Variants in PDCD2L observed in about 807,000 individuals in gnomAD.
PDCD2L encodes the protein programmed cell death 2 like.
Under a neutral mutation model 40.4 loss-of-function variants are expected in PDCD2L, and 44 were observed. The ratio of observed to expected loss-of-function variants is 1.09; its 90% confidence interval spans 0.86 to 1.40. The LOEUF is 1.40. PDCD2L is among the 40% of genes most tolerant of loss of function. The pLI is 0.00. For missense variants in PDCD2L, 470 were observed against 453.7 expected, an observed-to-expected ratio of 1.04 and a Z score of -0.33; for synonymous variants, 194 against 174.6, an observed-to-expected ratio of 1.11 and a Z score of -0.88.
At chr19:34,410,246 C>T (rs1042924227) in intron 4 of PDCD2L, among the ~76,000 whole-genome samples, 11 of 152,182 alleles carry the variant, frequency 7.2e-5, no homozygotes, top group African/African-American at 2.4e-4. Flanking sequence ...CAGGTGCACA[C>T]CACCATGTCT....
At chr19:34,414,474 CTTTTTTTTTTTTT>C (rs35413401) in intron 5 of PDCD2L, among the ~76,000 whole-genome samples, 5 of 39,790 alleles carry the variant, frequency 1.3e-4, no homozygotes, top group South Asian at 2.2e-3. Context: ...CCATGCCTGG[CTTTTTTTTTTTTT>C]TTTTTTTTTT....
At chr19:34,406,113 G>T (rs922276388) in intron 3 of PDCD2L, among the ~76,000 whole-genome samples, 3 of 152,184 alleles carry the variant, frequency 2.0e-5, no homozygotes, top group Non-Finnish European at 4.4e-5. Context: ...CTGCACTCCG[G>T]CCTGGGCCAC....
At position 34,404,944 on chromosome 19, in the gene PDCD2L, G is replaced by C; in HGVS notation, c.290G>C (p.Arg97Pro). The change falls in exon 3 of 7, where the codon CGC becomes CCC. Residue 97 changes from arginine (R) to proline (P), a missense_variant. Physicochemically the swap from Arg to Pro is moderately radical, Grantham distance 103 (BLOSUM62 -2). Coordinates refer to ENST00000246535, the MANE Select transcript of PDCD2L (RefSeq NM_032346.2). ...TCACCCCGAAGCTGGAAGGTGTTCC[G>C]CTCCCAGTGCCTGCAGGTGCCAGAG... ...TGGARSWKVF[R>P]SQCLQVPERE... 1 of 1,614,132 alleles carries C rather than the reference G, an allele frequency of 6.2e-7. No individual in the cohort carries two copies. The highest frequency in any genetic ancestry group is 1.1e-5 in the South Asian group (1 of 91,080).
chr19:34,421,733 C>T, intron 6 of PDCD2L, 66 bp downstream of exon 6: 4 of 1,489,704 alleles, frequency 2.7e-6, no homozygotes, highest in East Asian at 2.3e-5. Context: ...AATGAAAAAC[C>T]TTTTGTTTAC....
At chr19:34,425,940 C>T in intron 6 of PDCD2L, 50 bp from the exon 7 acceptor site, 1 of 1,574,234 alleles carries the variant, frequency 6.4e-7, no homozygotes, top group Non-Finnish European at 8.6e-7. Context: ...TTAGTAACAT[C>T]AGTCTCATAA....
chr19:34,421,666 A>AG lies in PDCD2L; in HGVS notation c.946+1dup. On this transcript the variant is annotated frameshift_variant and splice_region_variant, in exon 6 of 7. Transcript: ENST00000246535. LOFTEE classifies it high-confidence loss of function. ...TCAGCATGCTCAAGAGTGCTAATTT[A>AG]GGTGAGAAGCCCTTTATTAATTTGA... 1 of 1,605,496 alleles carries AG rather than the reference A, an allele frequency of 6.2e-7. No homozygotes were observed. The highest frequency in any genetic ancestry group is 8.5e-7 in the Non-Finnish European group (1 of 1,175,770).
chr19:34,411,432 A>T (rs2075102975), intron 4 of PDCD2L, among the ~76,000 whole-genome samples: 1 of 150,972 alleles, frequency 6.6e-6, no homozygotes. Context: ...TTTAGTAGAG[A>T]TGGGCTTTTG....
intron 6 of PDCD2L, among the ~76,000 whole-genome samples, chr19:34,423,112 G>C (rs2075160169): frequency 6.6e-6 from 1 of 152,144 alleles, no homozygotes; most frequent in South Asian, 2.1e-4. Context: ...CTGTGTTTCA[G>C]TTTTAGATAG....
At chr19:34,413,955 C>T (rs1393058947) in intron 5 of PDCD2L, 108 bp downstream of exon 5, 4 of 679,548 alleles carry the variant, frequency 5.9e-6, no homozygotes, top group African/African-American at 1.8e-5. Flanking sequence ...ACAGTATTCC[C>T]CAAACCAAGA....
At chr19:34,418,560 T>G (rs2075135828) in intron 5 of PDCD2L, among the ~76,000 whole-genome samples, 1 of 152,238 alleles carries the variant, frequency 6.6e-6, no homozygotes, top group African/African-American at 2.4e-5. Flanking sequence ...AGTGTTTGGC[T>G]ATTATAAATA....
intron 6 of PDCD2L, among the ~76,000 whole-genome samples, chr19:34,424,731 T>G (rs2075168019): frequency 6.8e-6 from 1 of 147,718 alleles, no homozygotes; most frequent in Non-Finnish European, 1.5e-5. Context: ...CCAGTTAAAC[T>G]CTGCCATTTT....
intron 3 of PDCD2L, among the ~76,000 whole-genome samples, 153 bp downstream of exon 3, chr19:34,405,143 GTTTTTT>G (rs74177144): frequency 2.7e-5 from 3 of 111,080 alleles, no homozygotes; most frequent in South Asian, 5.8e-4. Context: ...TTTTCGTAAA[GTTTTTT>G]TTTTTTTTTT....
intron 5 of PDCD2L, among the ~76,000 whole-genome samples, chr19:34,416,766 G>T (rs1304338563): frequency 6.6e-6 from 1 of 152,168 alleles, no homozygotes; most frequent in Non-Finnish European, 1.5e-5. Context: ...ACTGTGGCAA[G>T]AACAGTTAAG....
intron 3 of PDCD2L, among the ~76,000 whole-genome samples, chr19:34,408,477 G>C (rs979934681): frequency 3.3e-5 from 5 of 152,086 alleles, no homozygotes; most frequent in Non-Finnish European, 7.4e-5. Context: ...TTACGGGCAC[G>C]TGCCACCATG....
chr19:34,417,544 G>A (rs1056654923), intron 5 of PDCD2L, among the ~76,000 whole-genome samples: 3 of 151,906 alleles, frequency 2.0e-5, no homozygotes, highest in African/African-American at 7.3e-5. Context: ...GCAGGCGGAG[G>A]TTGCAGTCGA....
chr19:34,404,664 G>A lies in PDCD2L; in HGVS notation c.124G>A (p.Val42Met), dbSNP rs749841084. 4 of 1,611,336 alleles carry A rather than the reference G, an allele frequency of 2.5e-6. No individual in the cohort carries two copies. The Admixed American group carries it at 6.7e-5, about 27-fold the overall frequency. The change falls in exon 2 of 7, where the codon GTG (valine) becomes ATG (methionine). Residue 42 changes from valine to methionine, a missense_variant. By Grantham distance (21) the Val-to-Met change is conservative. Transcript: ENST00000246535. Reference protein sequence around the residue: ...LGGIPDALPTVAAPRPVCQRC... With the variant: ...LGGIPDALPTMAAPRPVCQRC... ...GTCCCCTCAGGATGCTCTGCCCACC[G>A]TGGCTGCGCCCAGGCCCGTGTGTCA...
chr19:34,406,826 C>CTTTTTT (rs35175132), intron 3 of PDCD2L, among the ~76,000 whole-genome samples: 8 of 102,244 alleles, frequency 7.8e-5, no homozygotes, highest in Admixed American at 1.1e-4. Context: ...TTCTTTCTTC[C>CTTTTTT]TTTTTTTTTT....
chr19:34,418,280 C>A (rs1051049719), intron 5 of PDCD2L, among the ~76,000 whole-genome samples: 1 of 152,216 alleles, frequency 6.6e-6, no homozygotes, highest in Admixed American at 6.5e-5. Flanking sequence ...TTCGCAAGTT[C>A]TTGCCTACCC....
At chr19:34,419,774 T>C (rs28864171) in intron 5 of PDCD2L, among the ~76,000 whole-genome samples, 22 of 55,160 alleles carry the variant, frequency 4.0e-4, no homozygotes, top group Admixed American at 2.0e-3. Context: ...TTTATGTTGC[T>C]TTTTTTTTTT....
Sources: allele counts gnomAD v4.1 joint callset (sites outside exome capture counted in the v4.1 genomes callset), GRCh38; gene constraint gnomAD v4.1.1; transcripts MANE v1.5; gene names NCBI Gene and HGNC (gene_info 2026-07-23, HGNC 2026-07-21).